Variants in GABRB1 observed in about 807,000 individuals in gnomAD.
GABRB1 encodes gamma-aminobutyric acid type A receptor subunit beta1.
In GABRB1, 17 loss-of-function variants were observed where a neutral mutation model predicts 51.6. That is an observed-to-expected ratio of 0.33 (90% CI 0.23 to 0.49). The LOEUF is 0.49. GABRB1 is among the 20% of genes least tolerant of loss of function. GABRB1 has a pLI of 0.99. For missense variants in GABRB1, 410 were observed against 600.6 expected, an observed-to-expected ratio of 0.68 and a Z score of 3.32; for synonymous variants, 247 against 218.9, an observed-to-expected ratio of 1.13 and a Z score of -1.14.
chr4:47,358,840 T>C (rs1299515134), intron 5 of GABRB1, among the ~76,000 whole-genome samples: 2 of 152,148 alleles, frequency 1.3e-5, no homozygotes, highest in Non-Finnish European at 2.9e-5. Context: ...AAAGTAATCT[T>C]AGGAATTTTT....
intron 4 of GABRB1, among the ~76,000 whole-genome samples, chr4:47,258,868 C>T (rs3098802): frequency 0.64 from 97,459 of 151,920 alleles, 31,615 homozygotes; most frequent in South Asian, 0.81. Flanking sequence ...TATCTTTAAG[C>T]CTAGGGTTAT....
intron 3 of GABRB1, among the ~76,000 whole-genome samples, chr4:47,136,510 A>AG (rs113947386): frequency 0.015 from 1,292 of 85,972 alleles, 13 homozygotes; most frequent in African/African-American, 0.084. Context: ...TCTTACAAAG[A>AG]CCAAATTAAA....
intron 5 of GABRB1, among the ~76,000 whole-genome samples, chr4:47,351,860 C>T (rs1726356842): frequency 6.6e-6 from 1 of 151,982 alleles, no homozygotes; most frequent in Non-Finnish European, 1.5e-5. Context: ...AATAGTGCCG[C>T]AATAAACATA....
At chr4:47,328,763 G>T (rs1031342772) in intron 5 of GABRB1, among the ~76,000 whole-genome samples, 1 of 151,716 alleles carries the variant, frequency 6.6e-6, no homozygotes, top group South Asian at 2.1e-4. Flanking sequence ...ACTGGGGCCT[G>T]TTGTGGGGAG....
At chr4:47,173,299 A>AT (rs1169744025) in intron 4 of GABRB1, among the ~76,000 whole-genome samples, 1 of 152,192 alleles carries the variant, frequency 6.6e-6, no homozygotes, top group Non-Finnish European at 1.5e-5. Flanking sequence ...CTGAGGATTA[A>AT]TGAGCCCCTT....
chr4:47,295,660 T>A (rs1019761427), intron 4 of GABRB1, among the ~76,000 whole-genome samples: 1 of 152,076 alleles, frequency 6.6e-6, no homozygotes. Context: ...ACGGGGAGAA[T>A]GGAACCAAGT....
intron 3 of GABRB1, among the ~76,000 whole-genome samples, chr4:47,124,114 C>A (rs1716003103): frequency 6.7e-6 from 1 of 148,942 alleles, no homozygotes; most frequent in Non-Finnish European, 1.5e-5. Context: ...GTTGTTTAAA[C>A]CAATTGTTAG....
chr4:47,150,646 T>TACAC (rs142996228), intron 3 of GABRB1, among the ~76,000 whole-genome samples: 190 of 149,140 alleles, frequency 1.3e-3, no homozygotes, highest in Middle Eastern at 3.4e-3. Flanking sequence ...GCCACATATA[T>TACAC]ATACACACAC....
At chr4:47,069,241 C>T (rs937974842) in intron 3 of GABRB1, among the ~76,000 whole-genome samples, 4 of 152,162 alleles carry the variant, frequency 2.6e-5, no homozygotes, top group Admixed American at 1.3e-4. Context: ...CTCTTTCTTC[C>T]CTGAGTCACT....
At chr4:47,127,320 G>C (rs1232035068) in intron 3 of GABRB1, among the ~76,000 whole-genome samples, 5 of 151,696 alleles carry the variant, frequency 3.3e-5, no homozygotes, top group Non-Finnish European at 7.4e-5. Context: ...ATAGATATAT[G>C]TGTGTGTAGA....
chr4:47,170,568 A>G (rs1421047015), intron 4 of GABRB1, among the ~76,000 whole-genome samples: 3 of 152,180 alleles, frequency 2.0e-5, no homozygotes, highest in Non-Finnish European at 2.9e-5. Flanking sequence ...TTATGATTAC[A>G]TTCAAAAGTC....
chr4:47,000,535 C>T (rs1724147122), intron 1 of GABRB1, among the ~76,000 whole-genome samples: 1 of 152,168 alleles, frequency 6.6e-6, no homozygotes, highest in Non-Finnish European at 1.5e-5. Context: ...TTTGACTAGG[C>T]TCATATGGTG....
At chr4:47,355,962 G>T (rs1488108089) in intron 5 of GABRB1, among the ~76,000 whole-genome samples, 1 of 152,138 alleles carries the variant, frequency 6.6e-6, no homozygotes, top group Non-Finnish European at 1.5e-5. Context: ...TACCTTACAG[G>T]TTTGTTGCAA....
chr4:47,407,904 C>T (rs1728629859), intron 8 of GABRB1, among the ~76,000 whole-genome samples: 1 of 152,076 alleles, frequency 6.6e-6, no homozygotes, highest in African/African-American at 2.4e-5. Flanking sequence ...CCAGCCTGGG[C>T]AACATGGCAA....
chr4:47,357,196 C>T (rs1331943702), intron 5 of GABRB1, among the ~76,000 whole-genome samples: 1 of 152,116 alleles, frequency 6.6e-6, no homozygotes, highest in Non-Finnish European at 1.5e-5. Context: ...ACTATCACAC[C>T]AAAGCACTTA....
At chr4:47,004,051 G>A (rs1399350400) in intron 1 of GABRB1, among the ~76,000 whole-genome samples, 1 of 152,064 alleles carries the variant, frequency 6.6e-6, no homozygotes, top group Non-Finnish European at 1.5e-5. Context: ...GTGCAGTGGT[G>A]CCATCTCGGC....
intron 4 of GABRB1, among the ~76,000 whole-genome samples, chr4:47,178,065 C>T (rs1718774972): frequency 6.6e-6 from 1 of 152,004 alleles, no homozygotes; most frequent in Non-Finnish European, 1.5e-5. Context: ...GATATGATTA[C>T]CTAAGTTTCC....
intron 3 of GABRB1, among the ~76,000 whole-genome samples, chr4:47,079,834 A>T (rs1396303902): frequency 1.8e-5 from 2 of 109,850 alleles, no homozygotes; most frequent in East Asian, 6.6e-4. Context: ...AACATCACAC[A>T]CTGGGGCCTG....
intron 4 of GABRB1, among the ~76,000 whole-genome samples, chr4:47,271,425 T>C (rs1016013169): frequency 6.6e-6 from 1 of 152,158 alleles, no homozygotes; most frequent in Non-Finnish European, 1.5e-5. Context: ...TCAAATGTAA[T>C]TAACCTACCT....
Sources: gnomAD v4.1 joint callset for allele counts (sites outside exome capture counted in the v4.1 genomes callset) on GRCh38, gnomAD v4.1.1 for gene constraint, MANE v1.5 for transcripts, NCBI Gene and HGNC (gene_info 2026-07-23, HGNC 2026-07-21) for gene names.